Variants in TATDN3 observed in about 807,000 individuals in gnomAD.
The protein encoded by TATDN3 is deoxyribonuclease TATDN3.
TATDN3 carries 29 observed loss-of-function variants against 40.1 expected under a neutral mutation model. That is an observed-to-expected ratio of 0.72 (90% CI 0.54 to 0.99). The LOEUF is 0.99. Among genes scored for constraint, TATDN3 ranks in the 50% least tolerant of loss-of-function variants. The pLI, the probability that TATDN3 is intolerant of heterozygous loss-of-function variation, is 0.00. For missense variants in TATDN3, 309 were observed against 321.9 expected (o/e 0.96, Z 0.31); for synonymous variants, 105 against 117.0 (o/e 0.90, Z 0.66).
At chr1:212,797,010 A>T in intron 3 of TATDN3, 102 bp from the exon 4 acceptor site, 1 of 864,116 alleles carries the variant, frequency 1.2e-6, no homozygotes, top group Non-Finnish European at 1.9e-6. Context: ...TGCTGGAATT[A>T]CAGACATAAG....
chr1:212,804,663 C>T lies in TATDN3; in HGVS notation c.487+12C>T, dbSNP rs370484853. 8 of 1,610,306 alleles carry T rather than the reference C, an allele frequency of 5.0e-6. No individual in the cohort carries two copies. The highest frequency in any genetic ancestry group is 6.8e-6 in the Non-Finnish European group (8 of 1,178,308). ...TTTACAAGAGCAAGGTATTTCGTTT[C>T]CTGAGAAAAATAGGCCTAATGTTCA... is the stretch of plus-strand genomic sequence containing the variant. On this transcript the variant is annotated intron_variant, in intron 7 of 9. Coordinates refer to ENST00000366974, the MANE Select transcript of TATDN3 (RefSeq NM_001042552.3).
chr1:212,807,577 A>G (rs1422199792), intron 7 of TATDN3, among the ~76,000 whole-genome samples, 159 bp from the exon 8 acceptor site: 4 of 151,792 alleles, frequency 2.6e-5, no homozygotes, highest in African/African-American at 9.7e-5. Context: ...TTTTTATTCC[A>G]CTCTTTGAAC....
In TATDN3 at chr1:212,815,369, C is replaced by A; in HGVS notation, c.*213C>A. The A allele has an allele frequency of 2.0e-6, 1 of 503,216 alleles. No individual in the cohort carries two copies. The highest frequency in any genetic ancestry group is 3.3e-6 in the Non-Finnish European group (1 of 301,808). 31.2% of individuals were successfully genotyped at this position (503,216 alleles called of 1,614,324 possible). On this transcript the variant is annotated 3_prime_UTR_variant, in exon 10 of 10. Coordinates refer to ENST00000366974, the MANE Select transcript of TATDN3 (RefSeq NM_001042552.3). ...TAGCCTTGTGCTGCTTTTCAATTAG[C>A]CGAGTTCTGGCAGGATATTGGGAAA...
chr1:212,811,660 C>A (rs1662884863), intron 8 of TATDN3, among the ~76,000 whole-genome samples: 1 of 151,852 alleles, frequency 6.6e-6, no homozygotes, highest in Non-Finnish European at 1.5e-5. Context: ...CTCACTGCAA[C>A]CTTGCCTGGC....
chr1:212,802,494 G>T (rs1025260826), intron 4 of TATDN3, among the ~76,000 whole-genome samples: 2 of 152,148 alleles, frequency 1.3e-5, no homozygotes. Flanking sequence ...CTTGTAACCC[G>T]AATGGGTATG....
intron 8 of TATDN3, among the ~76,000 whole-genome samples, chr1:212,811,068 C>T (rs1222424024): frequency 2.6e-5 from 4 of 152,002 alleles, no homozygotes; most frequent in African/African-American, 4.8e-5. Flanking sequence ...CTGCAATCTC[C>T]GCCTCCCAGG....
At chr1:212,806,783 T>TATATATATATATACAC (rs796710955) in intron 7 of TATDN3, among the ~76,000 whole-genome samples, 19 of 79,518 alleles carry the variant, frequency 2.4e-4, no homozygotes, top group Admixed American at 5.5e-4. Context: ...TATATATATA[T>TATATATATATATACAC]ACACACACAC....
At chr1:212,812,445 G>C (rs1406003925) in intron 9 of TATDN3, 117 bp downstream of exon 9, 1 of 599,680 alleles carries the variant, frequency 1.7e-6, no homozygotes. Flanking sequence ...TATACTGCCA[G>C]ATTGAGGGCT....
chr1:212,806,837 C>CATATATACACATATATTCATAT (rs1662548041), intron 7 of TATDN3, among the ~76,000 whole-genome samples: 1 of 51,380 alleles, frequency 1.9e-5, no homozygotes, highest in African/African-American at 7.0e-5. Context: ...CATATATATA[C>CATATATACACATATATTCATAT]ATATATACAC....
chr1:212,800,475 A>G (rs1362465080), intron 4 of TATDN3, among the ~76,000 whole-genome samples: 3 of 150,956 alleles, frequency 2.0e-5, no homozygotes, highest in Admixed American at 1.3e-4. Context: ...CTGCCCCTGC[A>G]TGGAGGGTAT....
In TATDN3 at chr1:212,806,759, TATATATATATATATATATATATATAC is replaced by T. The variant is rs1246522343; in HGVS notation, c.488-975_488-950del. 1.6e-4 allele frequency among the ~76,000 whole-genome samples: 17 copies of T among 109,254 alleles called. 1 individual carries two copies. The highest frequency in any genetic ancestry group is 6.0e-4 in the East Asian group (2 of 3,360). The allele number at this position is 109,254 out of a possible 152,430, so 71.7% of individuals were successfully genotyped here. A position where few individuals can be genotyped will look rare whatever the true frequency, so the allele number is the denominator to read the frequency against. The stretch of plus-strand genomic sequence containing the variant: ...CTCTCTCTCTCTCCATATATATATA[TATATATATATATATATATATATATAC>T]ACACACACACACACATATATACACA... On this transcript the variant is annotated intron_variant, in intron 7 of 9. Transcript: ENST00000366974.
intron 7 of TATDN3, among the ~76,000 whole-genome samples, chr1:212,806,858 ATG>A (rs55889175): frequency 0.033 from 494 of 14,960 alleles, 12 homozygotes; most frequent in South Asian, 0.056. Flanking sequence ...ATATATACAT[ATG>A]TATATACACA....
chr1:212,794,859 A>C (rs1471110846), intron 1 of TATDN3: 1 of 640,240 alleles, frequency 1.6e-6, no homozygotes, highest in African/African-American at 1.8e-5. Context: ...AGGACAGAGA[A>C]ATACCCTGTA....
chr1:212,804,227 A>G, intron 5 of TATDN3, 93 bp from the exon 6 acceptor site: 1 of 811,290 alleles, frequency 1.2e-6, no homozygotes, highest in Non-Finnish European at 1.9e-6. Context: ...TGTGCCTCAC[A>G]TTATATATTT....
At chr1:212,810,444 G>A (rs1242029551) in intron 8 of TATDN3, among the ~76,000 whole-genome samples, 4 of 147,836 alleles carry the variant, frequency 2.7e-5, no homozygotes, top group Admixed American at 1.4e-4. Context: ...CCCGGGAGGC[G>A]GAGCTTGCAG....
At chr1:212,806,771 T>G (rs181421420) in intron 7 of TATDN3, among the ~76,000 whole-genome samples, 1 of 101,446 alleles carries the variant, frequency 9.9e-6, no homozygotes, top group African/African-American at 3.6e-5. Context: ...TATATATATA[T>G]ATATATATAT....
chr1:212,793,637 A>T (rs1241615592), intron 1 of TATDN3, among the ~76,000 whole-genome samples: 2 of 152,246 alleles, frequency 1.3e-5, no homozygotes, highest in Non-Finnish European at 2.9e-5. Flanking sequence ...TGGTACTATG[A>T]TGATAGCAGG....
intron 8 of TATDN3, among the ~76,000 whole-genome samples, chr1:212,808,327 A>AC (rs1423599348): frequency 1.1e-4 from 16 of 151,818 alleles, no homozygotes; most frequent in Admixed American, 2.6e-4. Context: ...AAAAAAAAAA[A>AC]ACTAAAAATT....
In TATDN3 at chr1:212,815,224, T is replaced by C; in HGVS notation, c.*68T>C. The C allele has an allele frequency of 1.3e-6, 2 of 1,504,882 alleles. No individual in the cohort carries two copies. Among genetic ancestry groups the C allele is most frequent in the Non-Finnish European group, 1.8e-6 (2 of 1,122,326 alleles). The allele number at this position is 1,504,882 out of a possible 1,614,324, so 93.2% of individuals were successfully genotyped here. A position where few individuals can be genotyped will look rare whatever the true frequency, so the allele number is the denominator to read the frequency against. On this transcript the variant is annotated 3_prime_UTR_variant, in exon 10 of 10. Coordinates refer to ENST00000366974, the MANE Select transcript of TATDN3 (RefSeq NM_001042552.3). ...CAGCATTTGAAAAATAGAAATGTTC[T>C]GATGAAGAATCTGAACTGAAGAAGC...
Sources: gnomAD v4.1 joint callset for allele counts (sites outside exome capture counted in the v4.1 genomes callset) on GRCh38, gnomAD v4.1.1 for gene constraint, MANE v1.5 for transcripts, NCBI Gene and HGNC (gene_info 2026-07-23, HGNC 2026-07-21) for gene names.